ERBB4: variants seen among roughly 807,000 people sequenced by gnomAD.
ERBB4 encodes receptor tyrosine-protein kinase erbB-4.
ERBB4 carries 42 observed loss-of-function variants against 158.0 expected under a neutral mutation model. That is an observed-to-expected ratio of 0.27 (90% CI 0.21 to 0.34). The LOEUF is 0.34. Ranked by LOEUF, ERBB4 falls within the 10% of genes least tolerant of loss-of-function variation. The probability of loss-of-function intolerance (pLI) is 1.00; values close to 1 mark genes in which losing one functional copy is unlikely to be tolerated. For synonymous variants in ERBB4, 583 were observed against 558.7 expected (o/e 1.04, Z -0.61); for missense variants, 1,333 against 1,624.1 (o/e 0.82, Z 3.08).
intron 20 of ERBB4, among the ~76,000 whole-genome samples, chr2:211,538,286 T>A (rs1231118375): frequency 6.6e-6 from 1 of 151,590 alleles, no homozygotes; most frequent in Non-Finnish European, 1.5e-5. Flanking sequence ...GAGAAATCAT[T>A]ACTTTATGAA....
chr2:211,689,253 GGTGT>G (rs1336002016), intron 12 of ERBB4, among the ~76,000 whole-genome samples: 1 of 152,118 alleles, frequency 6.6e-6, no homozygotes, highest in African/African-American at 2.4e-5. Context: ...GGAGTGGAGT[GGTGT>G]GATATGGGCT....
chr2:211,484,249 A>G (rs2065150914), intron 20 of ERBB4, among the ~76,000 whole-genome samples: 1 of 152,232 alleles, frequency 6.6e-6, no homozygotes, highest in Non-Finnish European at 1.5e-5. Flanking sequence ...GAATCAAAGT[A>G]CACATAGGGA....
intron 1 of ERBB4, among the ~76,000 whole-genome samples, chr2:212,214,888 C>T (rs1045376904): frequency 6.6e-6 from 1 of 151,574 alleles, no homozygotes; most frequent in African/African-American, 2.4e-5. Flanking sequence ...AAATAGATTA[C>T]AGTATATTCA....
At chr2:211,981,868 G>C (rs943155561) in intron 2 of ERBB4, among the ~76,000 whole-genome samples, 1 of 152,092 alleles carries the variant, frequency 6.6e-6, no homozygotes, top group Admixed American at 6.6e-5. Flanking sequence ...TAACACAGTA[G>C]CTGTTTGATA....
At chr2:212,240,661 A>AAAAAAAAAAAAAAAAAAAAC in intron 1 of ERBB4, among the ~76,000 whole-genome samples, 2 of 148,046 alleles carry the variant, frequency 1.4e-5, no homozygotes, top group Non-Finnish European at 3.0e-5. Context: ...AAAAAAAAAA[A>AAAAAAAAAAAAAAAAAAAAC]AAAAAACAGA....
chr2:211,966,434 G>T (rs1185574781), intron 2 of ERBB4, among the ~76,000 whole-genome samples: 1 of 151,952 alleles, frequency 6.6e-6, no homozygotes, highest in African/African-American at 2.4e-5. Context: ...TAGAGACGGG[G>T]TTTCACTGTG....
chr2:211,788,926 G>A (rs938486231), intron 3 of ERBB4, among the ~76,000 whole-genome samples: 13 of 152,110 alleles, frequency 8.5e-5, no homozygotes, highest in African/African-American at 3.1e-4. Context: ...TAAGGATACG[G>A]CTGTGGGATA....
intron 1 of ERBB4, among the ~76,000 whole-genome samples, chr2:212,472,878 G>A (rs1057057286): frequency 2.0e-5 from 3 of 151,766 alleles, no homozygotes; most frequent in African/African-American, 4.8e-5. Context: ...TAATGTTAAC[G>A]TATATTAACT....
chr2:212,259,993 C>T (rs952686586), intron 1 of ERBB4, among the ~76,000 whole-genome samples: 8 of 151,248 alleles, frequency 5.3e-5, no homozygotes, highest in Admixed American at 2.6e-4. Flanking sequence ...CGCTTGAACC[C>T]GGGAGGCAGA....
chr2:211,653,482 C>G lies in ERBB4; in HGVS notation c.1946+4272G>C, dbSNP rs1345937997. Among the ~76,000 whole-genome samples the G allele has an allele frequency of 2.9e-4, 43 of 148,144 alleles. 1 individual carries two copies. The highest frequency in any genetic ancestry group is 9.9e-4 in the African/African-American group (40 of 40,362). On this transcript the variant is annotated intron_variant, in intron 16 of 27. Coordinates refer to ENST00000342788, the MANE Select transcript of ERBB4 (RefSeq NM_005235.3). ...CCCCCCCGCCCCCCGCACCCGCCCCCCCCCACGCCCGCCCCGCTGGTTTGG... is the reference window on the plus strand; with the variant it reads ...CCCCCCCGCCCCCCGCACCCGCCCCGCCCCACGCCCGCCCCGCTGGTTTGG...
chr2:211,727,710 C>A (rs570156310), intron 5 of ERBB4, among the ~76,000 whole-genome samples: 34 of 152,018 alleles, frequency 2.2e-4, no homozygotes, highest in African/African-American at 7.9e-4. Flanking sequence ...TGATGATATT[C>A]ATAAAATAAT....
intron 2 of ERBB4, among the ~76,000 whole-genome samples, chr2:212,122,834 A>G (rs2079798878): frequency 6.6e-6 from 1 of 152,026 alleles, no homozygotes; most frequent in East Asian, 1.9e-4. Flanking sequence ...GTCATTTACA[A>G]TAGTCACAAC....
At chr2:211,541,048 C>G (rs1190894768) in intron 20 of ERBB4, among the ~76,000 whole-genome samples, 4 of 151,880 alleles carry the variant, frequency 2.6e-5, no homozygotes, top group Non-Finnish European at 2.9e-5. Context: ...CTCTCTCCCT[C>G]TCTGTGATTA....
rs190538951 is a variant in ERBB4 at position 211,457,701 on chromosome 2, G to A, written c.2488-26601C>T. ...GGTTAAGGATAAACTGACAAGGAAA[G>A]TGATGTGGATTCTTCCTGCTTGTAA... On this transcript the variant is annotated intron_variant, in intron 20 of 27. Transcript: ENST00000342788. 5.0e-3 allele frequency among the ~76,000 whole-genome samples: 764 copies of A among 152,356 alleles called. 6 individuals carry two copies. The highest frequency in any genetic ancestry group is 6.9e-3 in the Non-Finnish European group (470 of 68,038).
intron 7 of ERBB4, among the ~76,000 whole-genome samples, chr2:211,721,520 G>A (rs7594600): frequency 8.2e-4 from 114 of 138,376 alleles, no homozygotes; most frequent in African/African-American, 2.9e-3. Context: ...AAGTTAAGTC[G>A]GTCCTTTTGA....
At chr2:212,359,855 A>T (rs1391167259) in intron 1 of ERBB4, among the ~76,000 whole-genome samples, 2 of 149,004 alleles carry the variant, frequency 1.3e-5, no homozygotes, top group African/African-American at 2.5e-5. Flanking sequence ...TCTACTTTAC[A>T]TTTTTTTTTT....
At chr2:211,445,536 G>T (rs2064089786) in intron 20 of ERBB4, among the ~76,000 whole-genome samples, 1 of 152,086 alleles carries the variant, frequency 6.6e-6, no homozygotes, top group Non-Finnish European at 1.5e-5. Flanking sequence ...TATTTCTTGT[G>T]GAGTTGTTGG....
chr2:211,561,860 T>G (rs747459110), intron 20 of ERBB4, 43 bp downstream of exon 20: 1 of 1,541,046 alleles, frequency 6.5e-7, no homozygotes, highest in African/African-American at 1.4e-5. Flanking sequence ...TAGGAAATAT[T>G]AACCTAAAAA....
intron 1 of ERBB4, among the ~76,000 whole-genome samples, chr2:212,197,874 G>C (rs2082476818): frequency 6.6e-6 from 1 of 152,090 alleles, no homozygotes; most frequent in Non-Finnish European, 1.5e-5. Context: ...GTTATAACTA[G>C]AGCATTTTCA....
Sources: allele counts gnomAD v4.1 joint callset (sites outside exome capture counted in the v4.1 genomes callset), GRCh38; gene constraint gnomAD v4.1.1; transcripts MANE v1.5; gene names NCBI Gene and HGNC (gene_info 2026-07-23, HGNC 2026-07-21).